KCNJ6: variants seen among roughly 807,000 people sequenced by gnomAD.
KCNJ6 encodes G protein-activated inward rectifier potassium channel 2.
A neutral mutation model predicts 34.2 loss-of-function variants in KCNJ6; 9 were observed. That is an observed-to-expected ratio of 0.26 (90% confidence interval 0.16 to 0.46). KCNJ6 has a LOEUF of 0.46. Among genes scored for constraint, KCNJ6 ranks in the 20% least tolerant of loss-of-function variants. The pLI is 1.00. For missense variants in KCNJ6, 236 were observed against 531.3 expected (o/e 0.44, Z 5.46); for synonymous variants, 196 against 207.1 (o/e 0.95, Z 0.46).
intron 3 of KCNJ6, among the ~76,000 whole-genome samples, chr21:37,701,385 G>C (rs909218039): frequency 7.9e-6 from 1 of 126,918 alleles, no homozygotes; most frequent in African/African-American, 2.7e-5. Context: ...ACCAAGACCA[G>C]GTTAACTTTT....
At chr21:37,821,665 C>A (rs1392010979) in intron 2 of KCNJ6, among the ~76,000 whole-genome samples, 1 of 152,174 alleles carries the variant, frequency 6.6e-6, no homozygotes, top group African/African-American at 2.4e-5. Flanking sequence ...CCTACTTATG[C>A]CAACTGTGTT....
chr21:37,756,714 A>C (rs1466389443), intron 2 of KCNJ6, among the ~76,000 whole-genome samples: 1 of 127,180 alleles, frequency 7.9e-6, no homozygotes, highest in Non-Finnish European at 1.6e-5. Context: ...TGGAGTGAGC[A>C]CTCCCTCACA....
At chr21:37,649,005 G>GCA (rs2054418785) in intron 3 of KCNJ6, among the ~76,000 whole-genome samples, 1 of 132,550 alleles carries the variant, frequency 7.5e-6, no homozygotes, top group African/African-American at 2.9e-5. Flanking sequence ...GGTGGCGGGT[G>GCA]CCTGTAATCC....
chr21:37,732,494 G>C (rs2054890729), intron 2 of KCNJ6, among the ~76,000 whole-genome samples: 2 of 152,188 alleles, frequency 1.3e-5, no homozygotes, highest in South Asian at 4.1e-4. Flanking sequence ...CTTCTAAAAA[G>C]GTCTGGTGAG....
rs1395189414 is a variant in KCNJ6, at chr21:37,616,958, TA to T, written c.*8200del. 1 of 152,098 alleles carries T rather than the reference TA, an allele frequency of 6.6e-6. No homozygotes were observed. The highest frequency in any genetic ancestry group is 1.5e-5 in the Non-Finnish European group (1 of 68,052). The allele number at this position is 152,098 out of a possible 1,614,324, so 9.4% of individuals were successfully genotyped here. Reference sequence around the variant, plus strand: ...TGATGCCTTCATTTGGTGACCCTGATAGAGGTGGGGATGTGCGATTTCTTTT... The same window carrying T: ...TGATGCCTTCATTTGGTGACCCTGATGAGGTGGGGATGTGCGATTTCTTTT... On this transcript the variant is annotated 3_prime_UTR_variant, in exon 4 of 4. Transcript: ENST00000609713.
intron 1 of KCNJ6, among the ~76,000 whole-genome samples, chr21:37,879,091 G>A (rs953438937): frequency 2.0e-5 from 3 of 152,308 alleles, no homozygotes; most frequent in Admixed American, 6.5e-5. Context: ...CAATGCAACA[G>A]ACGGTGATCT....
At chr21:37,697,089 T>A (rs557661416) in intron 3 of KCNJ6, among the ~76,000 whole-genome samples, 1 of 152,220 alleles carries the variant, frequency 6.6e-6, no homozygotes, top group Non-Finnish European at 1.5e-5. Flanking sequence ...ACAGGTGCTG[T>A]GGTCTTCATG....
chr21:37,866,347 G>T (rs1394527675), intron 1 of KCNJ6, among the ~76,000 whole-genome samples: 1 of 152,146 alleles, frequency 6.6e-6, no homozygotes, highest in Non-Finnish European at 1.5e-5. Context: ...AACCCTGACT[G>T]GTATACCAGG....
chr21:37,645,928 A>T (rs1439284559), intron 3 of KCNJ6, among the ~76,000 whole-genome samples: 1 of 143,372 alleles, frequency 7.0e-6, no homozygotes, highest in Non-Finnish European at 1.5e-5. Flanking sequence ...ACAGTTAATA[A>T]AACGGGGGTA....
chr21:37,786,918 T>C (rs1465189066), intron 2 of KCNJ6, among the ~76,000 whole-genome samples: 1 of 152,250 alleles, frequency 6.6e-6, no homozygotes, highest in Non-Finnish European at 1.5e-5. Context: ...TTACTTTCTC[T>C]GTGTCTATAT....
chr21:37,655,231 GA>G (rs2054456724), intron 3 of KCNJ6, among the ~76,000 whole-genome samples: 8 of 1,766 alleles, frequency 4.5e-3, no homozygotes, highest in African/African-American at 0.025. Flanking sequence ...GTGTGAGAGA[GA>G]GAGAGAGAGA....
intron 2 of KCNJ6, among the ~76,000 whole-genome samples, chr21:37,810,855 A>C (rs531073769): frequency 1.3e-5 from 2 of 152,260 alleles, no homozygotes; most frequent in South Asian, 4.1e-4. Context: ...GCTAAGGTGC[A>C]TCTTTTGTTC....
chr21:37,829,634 G>A (rs931652767), intron 2 of KCNJ6, among the ~76,000 whole-genome samples: 1 of 152,188 alleles, frequency 6.6e-6, no homozygotes, highest in Non-Finnish European at 1.5e-5. Context: ...TTGCCAAGCT[G>A]GGCTGGTAAT....
At chr21:37,652,064 A>C (rs1383601189) in intron 3 of KCNJ6, among the ~76,000 whole-genome samples, 1 of 152,064 alleles carries the variant, frequency 6.6e-6, no homozygotes, top group Non-Finnish European at 1.5e-5. Context: ...GTGAGGGGGG[A>C]AAAGAGATTA....
chr21:37,861,383 C>G (rs1392173966), intron 1 of KCNJ6, among the ~76,000 whole-genome samples: 1 of 152,104 alleles, frequency 6.6e-6, no homozygotes, highest in Middle Eastern at 3.2e-3. Flanking sequence ...TGCCTGTGTC[C>G]TCATCTTCTC....
At chr21:37,882,537 T>G (rs2123625079) in intron 1 of KCNJ6, among the ~76,000 whole-genome samples, 1 of 152,216 alleles carries the variant, frequency 6.6e-6, no homozygotes, top group East Asian at 1.9e-4. Flanking sequence ...CCTTTCCTCT[T>G]GCAGGGTCAC....
At chr21:37,644,798 G>C (rs1282800786) in intron 3 of KCNJ6, among the ~76,000 whole-genome samples, 1 of 152,132 alleles carries the variant, frequency 6.6e-6, no homozygotes, top group Non-Finnish European at 1.5e-5. Flanking sequence ...TTTGTACCCT[G>C]CTTTGTTAAT....
rs1253016862 is a variant in KCNJ6 at position 37,616,860 on chromosome 21, A to G, written c.*8299T>C. ...ATCACCCGAAAGCTGTGTGGGCACC[A>G]GGAGACAGCATAAGTTGTGTCTGTA... On this transcript the variant is annotated 3_prime_UTR_variant, in exon 4 of 4. Coordinates refer to ENST00000609713, the MANE Select transcript of KCNJ6 (RefSeq NM_002240.5). 1.3e-5 allele frequency: 2 copies of G among 151,786 alleles called. No homozygotes were observed. The highest frequency in any genetic ancestry group is 2.9e-5 in the Non-Finnish European group (2 of 67,974). The allele number at this position is 151,786 out of a possible 1,614,324, so 9.4% of individuals were successfully genotyped here. A position where few individuals can be genotyped will look rare whatever the true frequency, so the allele number is the denominator to read the frequency against.
chr21:37,671,619 C>A (rs73904027), intron 3 of KCNJ6, among the ~76,000 whole-genome samples: 1 of 152,162 alleles, frequency 6.6e-6, no homozygotes, highest in Non-Finnish European at 1.5e-5. Flanking sequence ...CCTGTGCTTG[C>A]GACTGGCATC....
Sources: gnomAD v4.1 joint callset for allele counts (sites outside exome capture counted in the v4.1 genomes callset) on GRCh38, gnomAD v4.1.1 for gene constraint, MANE v1.5 for transcripts, NCBI Gene and HGNC (gene_info 2026-07-23, HGNC 2026-07-21) for gene names.